PTPRO: variants seen among roughly 807,000 people sequenced by gnomAD.
PTPRO encodes the protein receptor-type tyrosine-protein phosphatase O.
Under a neutral mutation model 145.2 loss-of-function variants are expected in PTPRO, and 62 were observed. The observed-to-expected ratio is 0.43, with a 90% CI of 0.35 to 0.53. PTPRO has a LOEUF of 0.53. Among genes scored for constraint, PTPRO ranks in the 20% least tolerant of loss-of-function variants. The pLI is 0.01. For missense variants in PTPRO, 1,345 were observed against 1,482.7 expected, an observed-to-expected ratio of 0.91 and a Z score of 1.53; for synonymous variants, 565 against 514.7, an observed-to-expected ratio of 1.10 and a Z score of -1.32.
At position 15,539,043 on chromosome 12, in the gene PTPRO, C is replaced by CA. The variant is rs201014233; in HGVS notation, c.2165-7524dup. ...TGCTGATCTTATTCTAAGAATTTTG[C>CA]AATATATGACTCCTAACAAAATAAA... On this transcript the variant is annotated intron_variant, in intron 12 of 26. Coordinates refer to ENST00000281171, the MANE Select transcript of PTPRO (RefSeq NM_030667.3). Among the ~76,000 whole-genome samples, 1,078 of 151,894 alleles carry CA rather than the reference C, an allele frequency of 7.1e-3. 16 individuals are homozygous for CA. Among genetic ancestry groups the CA allele is most frequent in the African/African-American group, 0.025 (1,033 of 41,404 alleles).
chr12:15,390,929 G>T (rs1459929189), intron 1 of PTPRO, among the ~76,000 whole-genome samples: 1 of 152,162 alleles, frequency 6.6e-6, no homozygotes, highest in East Asian at 1.9e-4. Context: ...TCAGTTCCTG[G>T]TAAGGGTCCT....
At chr12:15,353,509 C>T (rs1937880316) in intron 1 of PTPRO, among the ~76,000 whole-genome samples, 1 of 152,036 alleles carries the variant, frequency 6.6e-6, no homozygotes, top group Non-Finnish European at 1.5e-5. Flanking sequence ...TGAGCCAAAT[C>T]AGGACGATAA....
chr12:15,496,497 G>A (rs1942111102), intron 2 of PTPRO, among the ~76,000 whole-genome samples: 1 of 152,076 alleles, frequency 6.6e-6, no homozygotes, highest in Non-Finnish European at 1.5e-5. Context: ...AGCTTCTTTA[G>A]AAAGGTGCAA....
chr12:15,413,608 A>AG (rs1308904409), intron 1 of PTPRO, among the ~76,000 whole-genome samples: 2 of 152,132 alleles, frequency 1.3e-5, no homozygotes, highest in Non-Finnish European at 2.9e-5. Flanking sequence ...TGAAGTCAGG[A>AG]GCTCAAGACC....
At chr12:15,351,901 A>G (rs1937814668) in intron 1 of PTPRO, among the ~76,000 whole-genome samples, 1 of 152,188 alleles carries the variant, frequency 6.6e-6, no homozygotes, top group African/African-American at 2.4e-5. Context: ...AAACTTTCCT[A>G]AATAAATAAC....
At chr12:15,475,129 G>A (rs253834) in intron 1 of PTPRO, among the ~76,000 whole-genome samples, 2,334 of 152,244 alleles carry the variant, frequency 0.015, 88 homozygotes, top group East Asian at 0.14. Context: ...CATTAGACAT[G>A]TATTTCTTAA....
chr12:15,490,238 G>C (rs551848184), intron 2 of PTPRO, among the ~76,000 whole-genome samples: 1 of 152,208 alleles, frequency 6.6e-6, no homozygotes, highest in Non-Finnish European at 1.5e-5. Context: ...GCCTTAGGCA[G>C]ATGATTACTT....
chr12:15,524,301 C>T (rs1942791496), intron 10 of PTPRO, among the ~76,000 whole-genome samples: 1 of 151,820 alleles, frequency 6.6e-6, no homozygotes, highest in African/African-American at 2.4e-5. Context: ...ATGCAAATAA[C>T]ATTTGTCTTC....
intron 1 of PTPRO, among the ~76,000 whole-genome samples, chr12:15,395,223 G>A (rs937593521): frequency 7.9e-5 from 12 of 152,164 alleles, no homozygotes; most frequent in Admixed American, 2.6e-4. Flanking sequence ...GCAGATGTAG[G>A]ATCACGGCAG....
intron 1 of PTPRO, chr12:15,439,870 C>A: frequency 1.6e-6 from 1 of 637,794 alleles, no homozygotes; most frequent in Non-Finnish European, 2.9e-6. Flanking sequence ...AGAAGCAGAC[C>A]CACGTCGGCC....
intron 1 of PTPRO, among the ~76,000 whole-genome samples, chr12:15,458,420 A>G (rs1001541107): frequency 2.6e-5 from 4 of 152,026 alleles, no homozygotes; most frequent in Non-Finnish European, 5.9e-5. Context: ...ATTTCTTTGA[A>G]TAAGCTTTCT....
chr12:15,420,148 G>GAAAAAA (rs35302259), intron 1 of PTPRO, among the ~76,000 whole-genome samples: 2 of 81,708 alleles, frequency 2.4e-5, no homozygotes, highest in African/African-American at 5.1e-5. Context: ...CTCCGACTCA[G>GAAAAAA]AAAAAAAAAA....
chr12:15,336,197 CT>C (rs1231728677), intron 1 of PTPRO, among the ~76,000 whole-genome samples: 1 of 151,234 alleles, frequency 6.6e-6, no homozygotes, highest in Non-Finnish European at 1.5e-5. Flanking sequence ...CTTTCCAAAT[CT>C]TTTCCTGTAT....
chr12:15,534,201 A>G (rs1360053325), intron 12 of PTPRO, among the ~76,000 whole-genome samples: 1 of 152,128 alleles, frequency 6.6e-6, no homozygotes, highest in East Asian at 1.9e-4. Context: ...ACTATCTTCT[A>G]GTCTTGGTGA....
chr12:15,343,771 G>T (rs1483985312), intron 1 of PTPRO, among the ~76,000 whole-genome samples: 1 of 152,124 alleles, frequency 6.6e-6, no homozygotes, highest in Non-Finnish European at 1.5e-5. Context: ...CGCCATCTCC[G>T]CTTACTGGAA....
At position 15,580,593 on chromosome 12, in the gene PTPRO, A is replaced by G. The variant is rs1944288838; in HGVS notation, c.2998-104A>G. The G allele has an allele frequency of 1.8e-5, 26 of 1,447,316 alleles. No homozygotes were observed. In the South Asian group the frequency reaches 3.0e-4, roughly 17 times the overall value. 89.7% of individuals were successfully genotyped at this position (1,447,316 alleles called of 1,614,324 possible). ...TTACATAGGTGTGTGATCCTTTGCCAATTTTATCACCAGTAAGTTTTCAGT... is the reference window on the plus strand; with the variant it reads ...TTACATAGGTGTGTGATCCTTTGCCGATTTTATCACCAGTAAGTTTTCAGT... On this transcript the variant is annotated intron_variant, in intron 21 of 26. Coordinates refer to ENST00000281171, the MANE Select transcript of PTPRO (RefSeq NM_030667.3).
At chr12:15,557,362 A>G in intron 15 of PTPRO, 93 bp from the exon 16 acceptor site, 1 of 1,143,728 alleles carries the variant, frequency 8.7e-7, no homozygotes, top group Non-Finnish European at 1.3e-6. Flanking sequence ...TAATGCTGTG[A>G]TGATAAGCTG....
intron 1 of PTPRO, among the ~76,000 whole-genome samples, chr12:15,460,836 G>A (rs903060057): frequency 4.6e-5 from 7 of 152,034 alleles, no homozygotes; most frequent in Admixed American, 2.6e-4. Context: ...TTAAGAAGTT[G>A]GCATAACCTG....
At chr12:15,444,260 A>G (rs1357177193) in intron 1 of PTPRO, among the ~76,000 whole-genome samples, 1 of 152,022 alleles carries the variant, frequency 6.6e-6, no homozygotes, top group Non-Finnish European at 1.5e-5. Flanking sequence ...GACCATTCTC[A>G]CTTATAAGTG....
Sources: gnomAD v4.1 joint callset for allele counts (sites outside exome capture counted in the v4.1 genomes callset) on GRCh38, gnomAD v4.1.1 for gene constraint, MANE v1.5 for transcripts, NCBI Gene and HGNC (gene_info 2026-07-23, HGNC 2026-07-21) for gene names.